AHI1: variants seen among roughly 807,000 people sequenced by gnomAD.
AHI1 encodes jouberin.
A neutral mutation model predicts 149.3 loss-of-function variants in AHI1; 123 were observed. The observed-to-expected ratio is 0.82, with a 90% CI of 0.71 to 0.96. The LOEUF is 0.96. AHI1 is among the 40% of genes least tolerant of loss of function. The probability of loss-of-function intolerance (pLI) is 0.00; values close to 1 mark genes in which losing one functional copy is unlikely to be tolerated. For missense variants in AHI1, 1,439 were observed against 1,422.7 expected (o/e 1.01, Z -0.18); for synonymous variants, 475 against 459.8 (o/e 1.03, Z -0.42).
Position 135,407,432 on chromosome 6 carries a change from T to C in AHI1, c.2962-2455A>G, listed in dbSNP as rs755000939. 3.2e-4 allele frequency among the ~76,000 whole-genome samples: 48 copies of C among 152,228 alleles called. 1 individual carries two copies. Among genetic ancestry groups the C allele is most frequent in the Non-Finnish European group, 8.8e-5 (6 of 68,042 alleles). On this transcript the variant is annotated intron_variant, in intron 21 of 28. Transcript: ENST00000265602. ...AGACGACACTTTGTTTTTATTCCCATACATACTATGTACATTCTGAAAGAA... is the reference window on the plus strand; with the variant it reads ...AGACGACACTTTGTTTTTATTCCCACACATACTATGTACATTCTGAAAGAA...
intron 14 of AHI1, among the ~76,000 whole-genome samples, chr6:135,442,262 T>C (rs1786414876): frequency 6.6e-6 from 1 of 152,180 alleles, no homozygotes; most frequent in African/African-American, 2.4e-5. Context: ...ATTGGACTAA[T>C]GTTCCCCATG....
intron 8 of AHI1, among the ~76,000 whole-genome samples, chr6:135,459,347 G>T (rs956056310): frequency 6.6e-6 from 1 of 152,060 alleles, no homozygotes; most frequent in Admixed American, 6.5e-5. Context: ...AAAAATTTTG[G>T]AGATGCAGGT....
rs191513857 is a variant in AHI1 at position 135,358,579 on chromosome 6, T to C, written c.3110-392A>G. Among the ~76,000 whole-genome samples the C allele has an allele frequency of 3.1e-3, 478 of 152,354 alleles. 4 individuals carry two copies. Among genetic ancestry groups the C allele is most frequent in the African/African-American group, 0.011 (454 of 41,586 alleles). On this transcript the variant is annotated intron_variant, in intron 23 of 28. Coordinates refer to ENST00000265602, the MANE Select transcript of AHI1 (RefSeq NM_001134831.2). ...TCACAAGGGCTATGAAGTGAATCAC[T>C]ACTGTCTTATTTTCTCAAAAGAATA... is the stretch of plus-strand genomic sequence containing the variant.
chr6:135,494,727 T>G (rs1380992219), intron 3 of AHI1, among the ~76,000 whole-genome samples: 2 of 152,152 alleles, frequency 1.3e-5, no homozygotes, highest in Non-Finnish European at 2.9e-5. Context: ...TGGGAGTTAT[T>G]TATAAATATG....
At chr6:135,328,241 T>C (rs1562510043) in intron 24 of AHI1, among the ~76,000 whole-genome samples, 3 of 152,206 alleles carry the variant, frequency 2.0e-5, no homozygotes, top group South Asian at 2.1e-4. Context: ...AGTGAAAACA[T>C]GGTTGGAAAG....
intron 24 of AHI1, among the ~76,000 whole-genome samples, chr6:135,356,347 T>C (rs541333128): frequency 6.6e-6 from 1 of 152,270 alleles, no homozygotes; most frequent in Admixed American, 6.5e-5. Context: ...TAAGAGAAGA[T>C]AGGTTCAAGG....
In AHI1 at chr6:135,411,262, C is replaced by T. The variant is rs1257485504; in HGVS notation, c.2961+86G>A. ...GGTCTAATTTTAAGTAATTAACTTA[C>T]TTCATTAAATGAATATTTATTGGCA... is the stretch of plus-strand genomic sequence containing the variant. On this transcript the variant is annotated intron_variant, in intron 21 of 28. Coordinates refer to ENST00000265602, the MANE Select transcript of AHI1 (RefSeq NM_001134831.2). 2.3e-6 allele frequency: 3 copies of T among 1,278,656 alleles called. No homozygotes were observed. The Admixed American group carries it at 6.0e-5, about 26-fold the overall frequency. 79.2% of individuals were successfully genotyped at this position (1,278,656 alleles called of 1,614,324 possible).
rs548003865 is a variant in AHI1 at position 135,497,669 on chromosome 6, G to C, written c.-288C>G. The C allele has an allele frequency of 6.1e-6, 1 of 163,052 alleles. No homozygotes were observed. Among genetic ancestry groups the C allele is most frequent in the Non-Finnish European group, 1.4e-5 (1 of 73,436 alleles). The allele number at this position is 163,052 out of a possible 1,614,324, so 10.1% of individuals were successfully genotyped here. A position where few individuals can be genotyped will look rare whatever the true frequency, so the allele number is the denominator to read the frequency against. On this transcript the variant is annotated 5_prime_UTR_variant, in exon 1 of 29. Coordinates refer to ENST00000265602, the MANE Select transcript of AHI1 (RefSeq NM_001134831.2). ...ACTCCCCCAGCCTAGCGGCGCGTGC[G>C]CGAAGTGAGGCGGCCACGCAGCCAC...
intron 5 of AHI1, among the ~76,000 whole-genome samples, chr6:135,473,391 T>C (rs1792068756): frequency 6.6e-6 from 1 of 152,172 alleles, no homozygotes; most frequent in Non-Finnish European, 1.5e-5. Context: ...ATTCCAACTT[T>C]GTTCCTTTTC....
intron 13 of AHI1, among the ~76,000 whole-genome samples, chr6:135,444,421 G>C (rs908974743): frequency 6.6e-6 from 1 of 152,050 alleles, no homozygotes; most frequent in Admixed American, 6.5e-5. Context: ...ACAAACTCTG[G>C]TTTCCAACCA....
At chr6:135,436,324 C>G (rs1485173833) in intron 15 of AHI1, among the ~76,000 whole-genome samples, 1 of 152,006 alleles carries the variant, frequency 6.6e-6, no homozygotes, top group East Asian at 1.9e-4. Context: ...ACTATGAATT[C>G]AAAATATTTC....
chr6:135,296,548 A>C (rs1278903334), intron 27 of AHI1, among the ~76,000 whole-genome samples: 1 of 152,178 alleles, frequency 6.6e-6, no homozygotes, highest in Non-Finnish European at 1.5e-5. Context: ...TTTGAGGGTA[A>C]CAGGTATGCT....
chr6:135,318,462 T>G (rs1786302539), intron 26 of AHI1, 57 bp downstream of exon 26: 4 of 1,086,526 alleles, frequency 3.7e-6, no homozygotes, highest in Admixed American at 4.1e-5. Flanking sequence ...TAATATTTTA[T>G]CCAGAGAGAG....
At chr6:135,426,545 A>G (rs1257487876) in intron 20 of AHI1, among the ~76,000 whole-genome samples, 1 of 151,748 alleles carries the variant, frequency 6.6e-6, no homozygotes, top group African/African-American at 2.4e-5. Flanking sequence ...TATGAAGAAA[A>G]TAGAAATGCA....
At chr6:135,390,016 TTTTA>T (rs1301043529) in intron 23 of AHI1, among the ~76,000 whole-genome samples, 3 of 151,666 alleles carry the variant, frequency 2.0e-5, no homozygotes, top group African/African-American at 7.3e-5. Context: ...TTTGTGTTTT[TTTTA>T]TTTTATTTTT....
intron 23 of AHI1, among the ~76,000 whole-genome samples, chr6:135,386,917 C>T (rs1352883075): frequency 6.6e-6 from 1 of 151,992 alleles, no homozygotes; most frequent in East Asian, 1.9e-4. Flanking sequence ...ATGAGCCACC[C>T]CACCTGGCCT....
rs187248460 is a variant in AHI1 at position 135,339,995 on chromosome 6, C to T, written c.3166-16671G>A. On this transcript the variant is annotated intron_variant, in intron 24 of 28. Coordinates refer to ENST00000265602, the MANE Select transcript of AHI1 (RefSeq NM_001134831.2). ...AAAAAATGTGAAGGCCAGAAGTTAG[C>T]GGGATGATGCTTTTGATATTGTGTT... Among the ~76,000 whole-genome samples the T allele has an allele frequency of 8.5e-5, 13 of 152,194 alleles. No homozygotes were observed. In the East Asian group the frequency reaches 2.1e-3, roughly 25 times the overall value.
chr6:135,347,247 G>C (rs547925926), intron 24 of AHI1, among the ~76,000 whole-genome samples: 1 of 152,248 alleles, frequency 6.6e-6, no homozygotes, highest in Non-Finnish European at 1.5e-5. Context: ...TAATCCCATT[G>C]AAAGTTACAG....
intron 5 of AHI1, among the ~76,000 whole-genome samples, chr6:135,476,258 A>G (rs576661500): frequency 2.0e-5 from 3 of 152,274 alleles, no homozygotes; most frequent in South Asian, 4.1e-4. Context: ...GATACTGCAG[A>G]TAACTTTTGG....
Sources: gnomAD v4.1 joint callset for allele counts (sites outside exome capture counted in the v4.1 genomes callset) on GRCh38, gnomAD v4.1.1 for gene constraint, MANE v1.5 for transcripts, NCBI Gene and HGNC (gene_info 2026-07-23, HGNC 2026-07-21) for gene names.